Variants in BBX observed in about 807,000 individuals in gnomAD.
BBX encodes the protein BBX high mobility group box domain containing.
BBX carries 30 observed loss-of-function variants against 100.2 expected under a neutral mutation model. That is an observed-to-expected ratio of 0.30 (90% CI 0.22 to 0.41). The LOEUF is 0.41. BBX is among the 10% of genes least tolerant of loss of function. The pLI is 1.00. For synonymous variants in BBX, 376 were observed against 388.1 expected (o/e 0.97, Z 0.37); for missense variants, 1,023 against 1,129.8 (o/e 0.91, Z 1.35).
At chr3:107,566,528 A>G (rs1307239168) in intron 2 of BBX, among the ~76,000 whole-genome samples, 1 of 150,748 alleles carries the variant, frequency 6.6e-6, no homozygotes, top group Non-Finnish European at 1.5e-5. Context: ...AACTTCTATG[A>G]AACTGCCTCA....
intron 2 of BBX, among the ~76,000 whole-genome samples, chr3:107,546,781 T>C (rs2049271665): frequency 6.6e-6 from 1 of 152,224 alleles, no homozygotes; most frequent in Non-Finnish European, 1.5e-5. Context: ...ATCTTATTTC[T>C]TTATAAATGT....
intron 10 of BBX, among the ~76,000 whole-genome samples, chr3:107,768,730 A>T (rs1413386517): frequency 7.9e-6 from 1 of 127,148 alleles, no homozygotes; most frequent in East Asian, 2.3e-4. Flanking sequence ...AACCCAATAC[A>T]AGCCAGAAAT....
intron 2 of BBX, among the ~76,000 whole-genome samples, chr3:107,561,426 T>A (rs1417158588): frequency 6.6e-6 from 1 of 152,204 alleles, no homozygotes. Flanking sequence ...TAAGGACTTA[T>A]GTATAAGAAT....
At chr3:107,571,362 G>A (rs750932777) in intron 2 of BBX, among the ~76,000 whole-genome samples, 2 of 152,094 alleles carry the variant, frequency 1.3e-5, no homozygotes, top group Admixed American at 6.6e-5. Flanking sequence ...AGGCATCCCC[G>A]CAGTGGTTAA....
intron 2 of BBX, among the ~76,000 whole-genome samples, chr3:107,578,926 G>A (rs899001671): frequency 3.3e-5 from 5 of 152,126 alleles, no homozygotes; most frequent in African/African-American, 1.2e-4. Context: ...ATTGGGGTGA[G>A]TTATTCTTGA....
Position 107,810,881 on chromosome 3 carries a change from G to T in BBX, c.*5424G>T, listed in dbSNP as rs1158197709. Reference sequence around the variant, plus strand: ...CATTTGACCACCAGGTCTAAAGTCTGTTGACAGTTTCAGCATGACTGAATC... The same window carrying T: ...CATTTGACCACCAGGTCTAAAGTCTTTTGACAGTTTCAGCATGACTGAATC... On this transcript the variant is annotated 3_prime_UTR_variant, in exon 18 of 18. Transcript: ENST00000325805. 6.6e-6 allele frequency: 1 copy of T among 151,804 alleles called. No homozygotes were observed. Among genetic ancestry groups the T allele is most frequent in the Non-Finnish European group, 1.5e-5 (1 of 67,988 alleles). 9.4% of individuals were successfully genotyped at this position (151,804 alleles called of 1,614,324 possible).
intron 2 of BBX, among the ~76,000 whole-genome samples, chr3:107,584,194 A>G (rs1384812578): frequency 6.1e-5 from 2 of 32,800 alleles, no homozygotes; most frequent in South Asian, 1.0e-3. Context: ...ATAATATATG[A>G]TATATATATT....
intron 5 of BBX, among the ~76,000 whole-genome samples, chr3:107,725,367 G>T (rs2062845220): frequency 6.6e-6 from 1 of 152,124 alleles, no homozygotes; most frequent in Non-Finnish European, 1.5e-5. Context: ...GGGACAATTT[G>T]ACTTCCTCTT....
chr3:107,711,577 C>T (rs2061727548), intron 4 of BBX, among the ~76,000 whole-genome samples: 1 of 152,150 alleles, frequency 6.6e-6, no homozygotes, highest in Non-Finnish European at 1.5e-5. Flanking sequence ...ATGACCTTTT[C>T]TCCTTTTTCA....
chr3:107,708,046 T>C (rs1195888724), intron 3 of BBX, among the ~76,000 whole-genome samples: 1 of 152,186 alleles, frequency 6.6e-6, no homozygotes, highest in African/African-American at 2.4e-5. Context: ...AAGCAACTCA[T>C]CCTGAAGTGA....
chr3:107,523,224 G>A, intron 1 of BBX, 117 bp downstream of exon 1: 3 of 219,286 alleles, frequency 1.4e-5, no homozygotes, highest in Non-Finnish European at 1.9e-5. Context: ...GAGCAGCGGC[G>A]GCGGCGGCGG....
intron 7 of BBX, among the ~76,000 whole-genome samples, chr3:107,744,219 G>A (rs1370049392): frequency 6.6e-6 from 1 of 152,086 alleles, no homozygotes; most frequent in Non-Finnish European, 1.5e-5. Flanking sequence ...GTCTCTGGGA[G>A]AGGATGTACA....
chr3:107,770,028 A>C (rs2066772073), intron 10 of BBX, among the ~76,000 whole-genome samples: 1 of 152,210 alleles, frequency 6.6e-6, no homozygotes, highest in Non-Finnish European at 1.5e-5. Context: ...AAAAATTTTT[A>C]AGAGCCTGAA....
chr3:107,564,739 A>C lies in BBX; in HGVS notation c.-84+38341A>C, dbSNP rs983089424. Among the ~76,000 whole-genome samples the C allele has an allele frequency of 5.9e-5, 9 of 152,204 alleles. 1 individual carries two copies. The highest frequency in any genetic ancestry group is 5.9e-4 in the Admixed American group (9 of 15,278). On this transcript the variant is annotated intron_variant, in intron 2 of 17. Transcript: ENST00000325805. Reference sequence around the variant, plus strand: ...CAATTTATTATTGTATTTCTTTGGAAATAAGTGATTGACTTATAGCTTTAT... The same window carrying C: ...CAATTTATTATTGTATTTCTTTGGACATAAGTGATTGACTTATAGCTTTAT...
At chr3:107,667,019 A>C (rs2058788348) in intron 3 of BBX, among the ~76,000 whole-genome samples, 1 of 152,208 alleles carries the variant, frequency 6.6e-6, no homozygotes, top group African/African-American at 2.4e-5. Context: ...CCTCCTAACT[A>C]ACTGCTTACT....
chr3:107,705,988 C>G (rs914266964), intron 3 of BBX, among the ~76,000 whole-genome samples: 2 of 150,682 alleles, frequency 1.3e-5, no homozygotes, highest in Non-Finnish European at 2.9e-5. Flanking sequence ...TGAAGTCTGA[C>G]CTCAGTAAAC....
intron 13 of BBX, among the ~76,000 whole-genome samples, chr3:107,784,186 CAA>C (rs2068186740): frequency 6.6e-6 from 1 of 151,874 alleles, no homozygotes; most frequent in African/African-American, 2.4e-5. Flanking sequence ...TAAGCCTAAG[CAA>C]TAAGCAAAAT....
intron 15 of BBX, 33 bp downstream of exon 15, chr3:107,791,332 A>C: frequency 6.3e-7 from 1 of 1,576,982 alleles, no homozygotes; most frequent in Non-Finnish European, 8.7e-7. Context: ...ATTTGAGACA[A>C]TCGGAGCTGG....
chr3:107,553,062 C>A (rs1278622398), intron 2 of BBX, among the ~76,000 whole-genome samples: 1 of 152,168 alleles, frequency 6.6e-6, no homozygotes, highest in Non-Finnish European at 1.5e-5. Context: ...TGCTAAGGAT[C>A]TGCTAAATTT....
Sources: gnomAD v4.1 joint callset for allele counts (sites outside exome capture counted in the v4.1 genomes callset) on GRCh38, gnomAD v4.1.1 for gene constraint, MANE v1.5 for transcripts, NCBI Gene and HGNC (gene_info 2026-07-23, HGNC 2026-07-21) for gene names.